ZNF385B: variants seen among roughly 807,000 people sequenced by gnomAD.
The protein encoded by ZNF385B is zinc finger protein 533.
A neutral mutation model predicts 39.2 loss-of-function variants in ZNF385B; 23 were observed. The ratio of observed to expected loss-of-function variants is 0.59; its 90% CI spans 0.42 to 0.83. The LOEUF (loss-of-function observed/expected upper bound fraction) is 0.83, where lower values mean the gene tolerates loss of function less well. ZNF385B is among the 40% of genes least tolerant of loss of function. The pLI, the probability that ZNF385B is intolerant of heterozygous loss-of-function variation, is 0.00. For synonymous variants in ZNF385B, 205 were observed against 222.6 expected (o/e 0.92, Z 0.70); for missense variants, 552 against 598.9 (o/e 0.92, Z 0.82).
intron 3 of ZNF385B, among the ~76,000 whole-genome samples, chr2:179,621,621 A>C (rs1690223613): frequency 6.6e-6 from 1 of 152,196 alleles, no homozygotes; most frequent in Non-Finnish European, 1.5e-5. Context: ...CACCCCTGTA[A>C]GTTCCCTTTC....
intron 3 of ZNF385B, among the ~76,000 whole-genome samples, chr2:179,765,198 C>T (rs1703618276): frequency 6.6e-6 from 1 of 152,140 alleles, no homozygotes; most frequent in African/African-American, 2.4e-5. Flanking sequence ...TTCCATTGTT[C>T]TTTCTTCTTT....
intron 3 of ZNF385B, among the ~76,000 whole-genome samples, chr2:179,752,342 C>T (rs1702731624): frequency 6.6e-6 from 1 of 152,160 alleles, no homozygotes; most frequent in African/African-American, 2.4e-5. Context: ...CATTGATGGA[C>T]ATTTGGGTTG....
intron 1 of ZNF385B, among the ~76,000 whole-genome samples, chr2:179,799,266 A>T (rs1034680180): frequency 2.0e-5 from 3 of 152,060 alleles, no homozygotes; most frequent in African/African-American, 4.8e-5. Flanking sequence ...ATTGATGATT[A>T]GTTTTAAAAG....
chr2:179,452,945 G>A (rs1432684679), intron 6 of ZNF385B, among the ~76,000 whole-genome samples: 2 of 152,048 alleles, frequency 1.3e-5, no homozygotes, highest in African/African-American at 2.4e-5. Context: ...TAGGTGGCAG[G>A]CAATATTTGG....
At chr2:179,807,695 A>G (rs1232851408) in intron 1 of ZNF385B, among the ~76,000 whole-genome samples, 1 of 152,010 alleles carries the variant, frequency 6.6e-6, no homozygotes, top group African/African-American at 2.4e-5. Flanking sequence ...GGAGATCGAG[A>G]CCATCCTGGC....
At chr2:179,783,295 C>A (rs1485378143) in intron 1 of ZNF385B, among the ~76,000 whole-genome samples, 1 of 152,152 alleles carries the variant, frequency 6.6e-6, no homozygotes, top group East Asian at 1.9e-4. Flanking sequence ...AAGATTGAAG[C>A]TGGATCCCTT....
chr2:179,746,649 T>TA (rs1702400171), intron 3 of ZNF385B, among the ~76,000 whole-genome samples: 1 of 152,190 alleles, frequency 6.6e-6, no homozygotes, highest in Non-Finnish European at 1.5e-5. Flanking sequence ...CTCATTATTT[T>TA]AAAAAATCTA....
At chr2:179,610,275 A>G (rs944806211) in intron 3 of ZNF385B, among the ~76,000 whole-genome samples, 4 of 152,126 alleles carry the variant, frequency 2.6e-5, no homozygotes, top group Non-Finnish European at 4.4e-5. Context: ...CTGCATATGT[A>G]TATTCAATTT....
At chr2:179,550,361 A>G (rs1389498716) in intron 3 of ZNF385B, among the ~76,000 whole-genome samples, 1 of 149,372 alleles carries the variant, frequency 6.7e-6, no homozygotes, top group Non-Finnish European at 1.5e-5. Flanking sequence ...AATCAAATAG[A>G]ATGCAACAGG....
chr2:179,834,182 AC>A (rs1284551878), intron 1 of ZNF385B, among the ~76,000 whole-genome samples: 2 of 151,984 alleles, frequency 1.3e-5, no homozygotes, highest in Admixed American at 1.3e-4. Flanking sequence ...AAGCAATGAT[AC>A]CCCCATCCTG....
chr2:179,446,920 T>C, intron 6 of ZNF385B, 150 bp from the exon 7 acceptor site: 1 of 968,304 alleles, frequency 1.0e-6, no homozygotes. Flanking sequence ...TAAATCAACC[T>C]CTATGTTTAA....
chr2:179,635,504 C>T (rs1286056640), intron 3 of ZNF385B, among the ~76,000 whole-genome samples: 1 of 151,876 alleles, frequency 6.6e-6, no homozygotes. Context: ...GCATGTTATG[C>T]ACATGTACCC....
rs985506741 is a variant in ZNF385B, at chr2:179,809,117, G to A, written c.-154-38445C>T. Among the ~76,000 whole-genome samples, 3 of 152,000 alleles carry A rather than the reference G, an allele frequency of 2.0e-5. 1 individual carries two copies. The highest frequency in any genetic ancestry group is 4.4e-5 in the Non-Finnish European group (3 of 67,966). Reference sequence around the variant, plus strand: ...AGAATATGAAAACATAAAAGCTCAAGGGCAAAGAAAAAAAATCACTTAGTA... The same window carrying A: ...AGAATATGAAAACATAAAAGCTCAAAGGCAAAGAAAAAAAATCACTTAGTA... On this transcript the variant is annotated intron_variant, in intron 1 of 9. Coordinates refer to ENST00000410066, the MANE Select transcript of ZNF385B (RefSeq NM_152520.6).
At chr2:179,577,247 A>G (rs1011238685) in intron 3 of ZNF385B, among the ~76,000 whole-genome samples, 2 of 152,146 alleles carry the variant, frequency 1.3e-5, no homozygotes, top group African/African-American at 4.8e-5. Context: ...TAAGGTCAAA[A>G]TTAATAGGGA....
At chr2:179,779,757 A>T (rs1345066551) in intron 1 of ZNF385B, among the ~76,000 whole-genome samples, 1 of 151,892 alleles carries the variant, frequency 6.6e-6, no homozygotes, top group Non-Finnish European at 1.5e-5. Flanking sequence ...GTCAGGGATG[A>T]CTCCATGGTT....
chr2:179,711,523 G>C (rs1002726914), intron 3 of ZNF385B, among the ~76,000 whole-genome samples: 2 of 152,152 alleles, frequency 1.3e-5, no homozygotes, highest in Admixed American at 6.6e-5. Context: ...TTAAGCATAT[G>C]CGGAGAATGA....
intron 3 of ZNF385B, among the ~76,000 whole-genome samples, chr2:179,702,362 T>C (rs927528934): frequency 2.6e-5 from 4 of 152,208 alleles, no homozygotes; most frequent in Non-Finnish European, 5.9e-5. Flanking sequence ...TTGTACGTAC[T>C]TTATTTCAAT....
chr2:179,579,123 T>A (rs560819938), intron 3 of ZNF385B, among the ~76,000 whole-genome samples: 37 of 152,214 alleles, frequency 2.4e-4, no homozygotes, highest in Admixed American at 7.9e-4. Flanking sequence ...AATGACCTCT[T>A]ATGTTGGGTT....
intron 1 of ZNF385B, among the ~76,000 whole-genome samples, chr2:179,799,771 A>C (rs776477761): frequency 1.3e-5 from 2 of 152,116 alleles, no homozygotes; most frequent in Non-Finnish European, 2.9e-5. Flanking sequence ...CTTAAAGCAT[A>C]ATAAGCAGGG....
Sources: allele counts gnomAD v4.1 joint callset (sites outside exome capture counted in the v4.1 genomes callset), GRCh38; gene constraint gnomAD v4.1.1; transcripts MANE v1.5; gene names NCBI Gene and HGNC (gene_info 2026-07-23, HGNC 2026-07-21).